Variants in LDB2 observed in about 807,000 individuals in gnomAD.
LDB2 encodes LIM domain binding 2, also known as LIM domain-binding protein 2.
LDB2 carries 12 observed loss-of-function variants against 44.3 expected under a neutral mutation model. That is an observed-to-expected ratio of 0.27 (90% CI 0.17 to 0.44). The LOEUF is 0.44. Among genes scored for constraint, LDB2 ranks in the 20% least tolerant of loss-of-function variants. The pLI is 1.00. For synonymous variants in LDB2, 164 were observed against 174.8 expected (o/e 0.94, Z 0.49); for missense variants, 344 against 473.5 (o/e 0.73, Z 2.54).
At chr4:16,882,066 G>A (rs1720303684) in intron 1 of LDB2, among the ~76,000 whole-genome samples, 1 of 152,218 alleles carries the variant, frequency 6.6e-6, no homozygotes, top group East Asian at 1.9e-4. Flanking sequence ...GTGTGTGCAT[G>A]TCTCAGTACC....
At chr4:16,717,187 A>AATAATGATG (rs56204510) in intron 2 of LDB2, among the ~76,000 whole-genome samples, 64 of 146,934 alleles carry the variant, frequency 4.4e-4, no homozygotes, top group Middle Eastern at 7.2e-3. Context: ...TAATAATAAT[A>AATAATGATG]ATGATGATGA....
chr4:16,804,444 A>G (rs1778412047), intron 1 of LDB2, among the ~76,000 whole-genome samples: 1 of 152,210 alleles, frequency 6.6e-6, no homozygotes, highest in African/African-American at 2.4e-5. Context: ...CTGTATCTTG[A>G]CATAATTTTT....
chr4:16,849,455 T>C (rs1033118066), intron 1 of LDB2, among the ~76,000 whole-genome samples: 1 of 152,214 alleles, frequency 6.6e-6, no homozygotes, highest in African/African-American at 2.4e-5. Flanking sequence ...AATTGTTTAA[T>C]TAATACCGAT....
chr4:16,603,915 C>CTAGA (rs1370047797), intron 2 of LDB2, among the ~76,000 whole-genome samples: 1 of 152,168 alleles, frequency 6.6e-6, no homozygotes, highest in Non-Finnish European at 1.5e-5. Context: ...GTCACCTGGG[C>CTAGA]TAGAGCGCAG....
At chr4:16,544,634 T>C (rs1735053207) in intron 5 of LDB2, among the ~76,000 whole-genome samples, 1 of 151,778 alleles carries the variant, frequency 6.6e-6, no homozygotes, top group Admixed American at 6.6e-5. Context: ...CCCAACAGGG[T>C]AGATGGGGCT....
intron 1 of LDB2, among the ~76,000 whole-genome samples, chr4:16,883,490 G>A (rs543712294): frequency 2.4e-4 from 36 of 152,390 alleles, no homozygotes; most frequent in African/African-American, 8.2e-4. Flanking sequence ...CTACCATGCA[G>A]TAGAGGGAAG....
intron 2 of LDB2, among the ~76,000 whole-genome samples, chr4:16,684,780 T>A (rs559868283): frequency 2.0e-5 from 3 of 152,338 alleles, no homozygotes; most frequent in Non-Finnish European, 4.4e-5. Context: ...AATTCAGAAC[T>A]CTAGGCCAAT....
chr4:16,663,091 C>T (rs777539715), intron 2 of LDB2, among the ~76,000 whole-genome samples: 34 of 152,090 alleles, frequency 2.2e-4, no homozygotes, highest in Non-Finnish European at 4.4e-4. Context: ...TTCTAGGGAG[C>T]TCAAAGCACT....
At chr4:16,534,350 G>T (rs1482445271) in intron 5 of LDB2, among the ~76,000 whole-genome samples, 2 of 152,052 alleles carry the variant, frequency 1.3e-5, no homozygotes, top group African/African-American at 4.8e-5. Context: ...GCTTAGTAGG[G>T]GTTTTAGAAA....
chr4:16,528,658 G>T (rs1332489654), intron 5 of LDB2, among the ~76,000 whole-genome samples: 2 of 152,212 alleles, frequency 1.3e-5, no homozygotes, highest in Non-Finnish European at 2.9e-5. Context: ...TGGTAGACTT[G>T]TGCAGTGCCA....
At position 16,582,388 on chromosome 4, in the gene LDB2, G is replaced by C. The variant is rs1715052286; in HGVS notation, c.615+3534C>G. Among the ~76,000 whole-genome samples the C allele has an allele frequency of 6.6e-6, 1 of 152,148 alleles. No homozygotes were observed. Among genetic ancestry groups the C allele is most frequent in the South Asian group, 2.1e-4 (1 of 4,822 alleles). ...CTGCCTTCTCATGGTTGCTGAATTG[G>C]ATCCCTTCATAAAATGCCAGGCGGA... On this transcript the variant is annotated intron_variant, in intron 5 of 7. Transcript: ENST00000304523. This position sits in a 1 kb window ranked among gnomAD's most constrained non-coding sequence, Gnocchi z 4.8.
intron 5 of LDB2, among the ~76,000 whole-genome samples, chr4:16,557,860 G>T (rs1164640556): frequency 6.6e-6 from 1 of 152,182 alleles, no homozygotes; most frequent in African/African-American, 2.4e-5. Flanking sequence ...GTACTCCTCT[G>T]AGACAAAACT....
chr4:16,678,342 A>T (rs6837229), intron 2 of LDB2, among the ~76,000 whole-genome samples: 9,348 of 152,226 alleles, frequency 0.061, 425 homozygotes, highest in East Asian at 0.25. Flanking sequence ...TATCAGCTAT[A>T]TTGAAGTACA....
At chr4:16,864,881 T>C (rs1052898827) in intron 1 of LDB2, among the ~76,000 whole-genome samples, 3 of 150,422 alleles carry the variant, frequency 2.0e-5, no homozygotes, top group Non-Finnish European at 4.4e-5. Flanking sequence ...GCAGAGATCA[T>C]GCCACTTCAC....
chr4:16,684,936 G>A (rs1006797787), intron 2 of LDB2, among the ~76,000 whole-genome samples: 1 of 152,144 alleles, frequency 6.6e-6, no homozygotes, highest in Non-Finnish European at 1.5e-5. Flanking sequence ...AAATGGGCAT[G>A]GCTGTGTTCC....
chr4:16,809,881 A>G (rs761246128), intron 1 of LDB2, among the ~76,000 whole-genome samples: 6 of 152,230 alleles, frequency 3.9e-5, no homozygotes. Context: ...AGGATTTATA[A>G]GAAATCTACA....
At chr4:16,527,646 A>G (rs1371101525) in intron 5 of LDB2, among the ~76,000 whole-genome samples, 16 of 152,218 alleles carry the variant, frequency 1.1e-4, no homozygotes, top group Admixed American at 5.9e-4. Context: ...ACAATTTGCA[A>G]TTGCGAAAAT....
intron 5 of LDB2, among the ~76,000 whole-genome samples, chr4:16,542,101 T>TTGG (rs1553889138): frequency 2.4e-5 from 2 of 83,652 alleles, no homozygotes; most frequent in African/African-American, 5.2e-5. Flanking sequence ...CATCAGGTGG[T>TTGG]GGGGGGGGGG....
chr4:16,782,567 G>C (rs1465222692), intron 1 of LDB2, among the ~76,000 whole-genome samples: 4 of 152,054 alleles, frequency 2.6e-5, no homozygotes, highest in Non-Finnish European at 5.9e-5. Flanking sequence ...AGCCACGATT[G>C]TCTCAATCTC....
Sources: allele counts gnomAD v4.1 joint callset (sites outside exome capture counted in the v4.1 genomes callset), GRCh38; gene constraint gnomAD v4.1.1; non-coding constraint Gnocchi (gnomAD v3.1); transcripts MANE v1.5; gene names NCBI Gene and HGNC (gene_info 2026-07-23, HGNC 2026-07-21).